Variants in IL22RA2 observed in about 807,000 individuals in gnomAD.
IL22RA2 encodes the protein interleukin-22 receptor subunit alpha-2.
In IL22RA2, 39 loss-of-function variants were observed where a neutral mutation model predicts 30.7. The ratio of observed to expected loss-of-function variants is 1.27; its 90% CI spans 0.98 to 1.66. The LOEUF (loss-of-function observed/expected upper bound fraction) is 1.66, where lower values mean the gene tolerates loss of function less well. Among genes scored for constraint, IL22RA2 ranks in the 40% most tolerant of loss-of-function variants. The pLI is 0.00. For synonymous variants in IL22RA2, 103 were observed against 105.0 expected (o/e 0.98, Z 0.11); for missense variants, 315 against 312.7 (o/e 1.01, Z -0.05).
At chr6:137,148,753 T>C (rs550021921) in intron 5 of IL22RA2, among the ~76,000 whole-genome samples, 31 of 152,190 alleles carry the variant, frequency 2.0e-4, no homozygotes, top group Admixed American at 3.3e-4. Context: ...TAAAGCACTT[T>C]CCAACTATAT....
intron 5 of IL22RA2, among the ~76,000 whole-genome samples, chr6:137,149,487 C>A (rs1778244231): frequency 6.6e-6 from 1 of 152,154 alleles, no homozygotes; most frequent in Non-Finnish European, 1.5e-5. Flanking sequence ...TTGACATGTC[C>A]TCTTCACCAT....
chr6:137,165,275 G>A (rs943418167), intron 1 of IL22RA2, among the ~76,000 whole-genome samples: 1 of 152,236 alleles, frequency 6.6e-6, no homozygotes, highest in Non-Finnish European at 1.5e-5. Context: ...GAGGCTGTGC[G>A]AGGCTTACCA....
chr6:137,152,660 T>C (rs939873505), intron 5 of IL22RA2, among the ~76,000 whole-genome samples: 1 of 152,204 alleles, frequency 6.6e-6, no homozygotes, highest in Non-Finnish European at 1.5e-5. Context: ...TTTGTGAATA[T>C]AGTAAAAACC....
At chr6:137,159,619 G>A (rs145195852) in intron 2 of IL22RA2, among the ~76,000 whole-genome samples, 1,971 of 152,142 alleles carry the variant, frequency 0.013, 35 homozygotes, top group Middle Eastern at 0.037. Flanking sequence ...CACTGCACCC[G>A]GCCAGGAAGC....
At chr6:137,170,187 A>G (rs941471127) in intron 1 of IL22RA2, among the ~76,000 whole-genome samples, 1 of 152,244 alleles carries the variant, frequency 6.6e-6, no homozygotes, top group Non-Finnish European at 1.5e-5. Flanking sequence ...TACCCACTCA[A>G]GAAGAAATAG....
intron 1 of IL22RA2, among the ~76,000 whole-genome samples, chr6:137,170,420 C>G (rs916920414): frequency 3.3e-5 from 5 of 152,162 alleles, no homozygotes; most frequent in African/African-American, 1.2e-4. Context: ...TATCTATACT[C>G]CCCAACTCCA....
chr6:137,168,507 A>T (rs1778668141), intron 1 of IL22RA2, among the ~76,000 whole-genome samples: 1 of 152,228 alleles, frequency 6.6e-6, no homozygotes, highest in South Asian at 2.1e-4. Context: ...TATTTGGACC[A>T]TCTGTAAAAA....
At chr6:137,166,795 T>C (rs1161470436) in intron 1 of IL22RA2, among the ~76,000 whole-genome samples, 1 of 152,240 alleles carries the variant, frequency 6.6e-6, no homozygotes, top group East Asian at 1.9e-4. Flanking sequence ...TTAGAGACTC[T>C]TGTAGGATGG....
intron 5 of IL22RA2, among the ~76,000 whole-genome samples, chr6:137,148,216 C>G (rs1161125800): frequency 6.6e-6 from 1 of 151,980 alleles, no homozygotes. Context: ...TTTTCTTAAT[C>G]TGACTTTTGT....
In IL22RA2 at chr6:137,158,376, G is replaced by A. The variant is rs1273972441; in HGVS notation, c.168C>T (p.Asn56=). 2.5e-6 allele frequency: 4 copies of A among 1,614,182 alleles called. No homozygotes were observed. The highest frequency in any genetic ancestry group is 4.5e-5 in the East Asian group (2 of 44,888). ...QWQPGRALTG[N]SSVYFVQYKI... ...TGTACTGCACAAAATAGACACTGCT[G>A]TTGCCAGTAAGTGCCCTCCCAGGCT... Residue 56 remains asparagine, a synonymous_variant, in exon 3 of 7, where the codon AAC becomes AAT. Transcript: ENST00000296980.
intron 3 of IL22RA2, among the ~76,000 whole-genome samples, chr6:137,157,674 C>T (rs991188669): frequency 1.3e-5 from 2 of 151,180 alleles, no homozygotes; most frequent in African/African-American, 4.9e-5. Context: ...GAGCCTCAAC[C>T]CCCCTCACCC....
chr6:137,152,232 A>G (rs554238051), intron 5 of IL22RA2, among the ~76,000 whole-genome samples: 2 of 152,244 alleles, frequency 1.3e-5, no homozygotes, highest in South Asian at 4.1e-4. Context: ...CAAACAAGAA[A>G]AAAAAACAAA....
In IL22RA2 at chr6:137,156,807, C is replaced by CA; in HGVS notation, c.244dup (p.Cys82LeufsTer8). ...GAAGTTACAAGAAATGTGCTGCCAG[C>CA]ATCCACTTGGCTTCTGGTGAGAGCT... On this transcript the variant is annotated frameshift_variant, in exon 4 of 7. Transcript: ENST00000296980. LOFTEE classifies it high-confidence loss of function. 1 of 1,613,906 alleles carries CA rather than the reference C, an allele frequency of 6.2e-7. No homozygotes were observed.
rs1582876290 is a variant in IL22RA2, at chr6:137,147,715, A to C, written c.642+7T>G. On this transcript the variant is annotated splice_region_variant and intron_variant, in intron 6 of 6. Transcript: ENST00000296980. ...AACTCTAAATATATCTATTCATCTG[A>C]ACTTACCTTTTCTAGTGAATTGTTA... 3.3e-6 allele frequency: 5 copies of C among 1,524,300 alleles called. No individual in the cohort carries two copies. 94.4% of individuals were successfully genotyped at this position (1,524,300 alleles called of 1,614,324 possible).
intron 4 of IL22RA2, among the ~76,000 whole-genome samples, chr6:137,155,529 A>AAT (rs1778387068): frequency 6.6e-6 from 1 of 150,448 alleles, no homozygotes; most frequent in African/African-American, 2.4e-5. Flanking sequence ...TAAAATATAA[A>AAT]ATATATATAA....
intron 2 of IL22RA2, among the ~76,000 whole-genome samples, chr6:137,159,671 G>A (rs760907197): frequency 4.1e-4 from 62 of 152,126 alleles, no homozygotes; most frequent in Middle Eastern, 3.4e-3. Flanking sequence ...CTGTCACCCC[G>A]ACCCCTGTGT....
intron 5 of IL22RA2, among the ~76,000 whole-genome samples, chr6:137,149,403 T>C (rs1478701824): frequency 6.6e-6 from 1 of 152,202 alleles, no homozygotes; most frequent in Non-Finnish European, 1.5e-5. Context: ...CAAACTGGTC[T>C]TTTTCATCAA....
chr6:137,168,704 A>G (rs375388600), intron 1 of IL22RA2, among the ~76,000 whole-genome samples: 3 of 152,162 alleles, frequency 2.0e-5, no homozygotes, highest in African/African-American at 7.2e-5. Flanking sequence ...CATGCTACCC[A>G]CTCAATCTGA....
chr6:137,159,212 C>T (rs1449779879), intron 2 of IL22RA2, among the ~76,000 whole-genome samples: 1 of 152,190 alleles, frequency 6.6e-6, no homozygotes, highest in Non-Finnish European at 1.5e-5. Context: ...GGTGGTACAA[C>T]CTTGCTTGCC....
Sources: allele counts gnomAD v4.1 joint callset (sites outside exome capture counted in the v4.1 genomes callset), GRCh38; gene constraint gnomAD v4.1.1; transcripts MANE v1.5; gene names NCBI Gene and HGNC (gene_info 2026-07-23, HGNC 2026-07-21).